ST8SIA4: variants seen among roughly 807,000 people sequenced by gnomAD.
The protein encoded by ST8SIA4 is ST8 alpha-N-acetyl-neuraminide alpha-2,8-sialyltransferase 4.
In ST8SIA4, 15 loss-of-function variants were observed where a neutral mutation model predicts 33.9. The observed-to-expected ratio is 0.44, with a 90% confidence interval of 0.30 to 0.68. The LOEUF is 0.68. Ranked by LOEUF, ST8SIA4 falls within the 30% of genes least tolerant of loss-of-function variation. The pLI is 0.10. For missense variants in ST8SIA4, 321 were observed against 428.0 expected, an observed-to-expected ratio of 0.75 and a Z score of 2.21; for synonymous variants, 171 against 151.2, an observed-to-expected ratio of 1.13 and a Z score of -0.96.
At chr5:100,821,902 TG>T (rs1441793903) in intron 4 of ST8SIA4, among the ~76,000 whole-genome samples, 1 of 152,234 alleles carries the variant, frequency 6.6e-6, no homozygotes, top group Non-Finnish European at 1.5e-5. Flanking sequence ...GCCTTGTCCC[TG>T]GCATAAATTG....
Sources: gnomAD v4.1 joint callset for allele counts (sites outside exome capture counted in the v4.1 genomes callset) on GRCh38, gnomAD v4.1.1 for gene constraint, MANE v1.5 for transcripts, NCBI Gene and HGNC (gene_info 2026-07-23, HGNC 2026-07-21) for gene names.